The following CORO1B variants were observed in gnomAD, a reference collection of about 807,000 sequenced individuals.
CORO1B encodes coronin 1B, also known as coronin-1B.
Under a neutral mutation model 51.1 loss-of-function variants are expected in CORO1B, and 30 were observed. The ratio of observed to expected loss-of-function variants is 0.59; its 90% CI spans 0.44 to 0.80. CORO1B has a LOEUF of 0.80. Ranked by LOEUF, CORO1B falls within the 30% of genes least tolerant of loss-of-function variation. CORO1B has a pLI of 0.00. For synonymous variants in CORO1B, 310 were observed against 289.7 expected, an observed-to-expected ratio of 1.07 and a Z score of -0.71; for missense variants, 648 against 700.4, an observed-to-expected ratio of 0.93 and a Z score of 0.84.
chr11:67,443,358 C>T (rs1198057771), intron 1 of CORO1B, 46 bp downstream of exon 1: 44 of 510,650 alleles, frequency 8.6e-5, no homozygotes, highest in Non-Finnish European at 1.1e-4. Flanking sequence ...TGCAGCCCCG[C>T]CCAGCCCCCA....
Position 67,440,101 on chromosome 11 carries a change from C to T in CORO1B, c.1007+17G>A, listed in dbSNP as rs776643845. On this transcript the variant is annotated intron_variant, in intron 8 of 10. Coordinates refer to ENST00000341356, the MANE Select transcript of CORO1B (RefSeq NM_020441.3). ...TTAGATGCCCCTATCCCCGAGTGGC[C>T]TCGGTAGCCCTCTTACCGGGCGATC... The T allele has an allele frequency of 2.5e-6, 4 of 1,599,430 alleles. No individual in the cohort carries two copies. The highest frequency in any genetic ancestry group is 2.6e-6 in the Non-Finnish European group (3 of 1,171,980).
At chr11:67,442,666 T>C (rs1270439830) in intron 1 of CORO1B, 36 bp from the exon 2 acceptor site, 1 of 1,593,384 alleles carries the variant, frequency 6.3e-7, no homozygotes, top group Admixed American at 1.7e-5. Context: ...GTCCGGCCCA[T>C]CCCAACAACT....
chr11:67,437,915 C>A lies in CORO1B; in HGVS notation c.*461G>T. ...CTTCTGCCTCAGTTTCCCTGCCTGA[C>A]AATCCAGGGGAGCAATGCCTGTGGG... is the stretch of plus-strand genomic sequence containing the variant. On this transcript the variant is annotated 3_prime_UTR_variant, in exon 11 of 11. Coordinates refer to ENST00000341356, the MANE Select transcript of CORO1B (RefSeq NM_020441.3). 2.6e-6 allele frequency: 1 copy of A among 378,106 alleles called. No homozygotes were observed. Among genetic ancestry groups the A allele is most frequent in the Non-Finnish European group, 4.7e-6 (1 of 212,934 alleles). 23.4% of individuals were successfully genotyped at this position (378,106 alleles called of 1,614,324 possible).
intron 2 of CORO1B, 33 bp downstream of exon 2, chr11:67,442,394 TG>T: frequency 1.2e-6 from 2 of 1,603,726 alleles, no homozygotes; most frequent in Non-Finnish European, 1.7e-6. Context: ...GTGGCCGAGG[TG>T]CCTCCTCTTC....
At position 67,436,035 on chromosome 11, in the gene CORO1B, G is replaced by T. The variant is rs1405297589; in HGVS notation, c.*2341C>A. On this transcript the variant is annotated 3_prime_UTR_variant, in exon 11 of 11. Coordinates refer to ENST00000341356, the MANE Select transcript of CORO1B (RefSeq NM_020441.3). ...TAGTCTGTGTCCTGCTCATCCTCCT[G>T]TCGCTCAAGGTCATTGTCTGTGGAC... The T allele has an allele frequency of 6.2e-7, 1 of 1,613,580 alleles. No homozygotes were observed.
At position 67,435,636 on chromosome 11, in the gene CORO1B, C is replaced by A; in HGVS notation, c.*2740G>T. The A allele has an allele frequency of 6.8e-7, 1 of 1,478,000 alleles. No homozygotes were observed. The highest frequency in any genetic ancestry group is 1.4e-5 in the South Asian group (1 of 73,128). 91.6% of individuals were successfully genotyped at this position (1,478,000 alleles called of 1,614,324 possible). A position where few individuals can be genotyped will look rare whatever the true frequency, so the allele number is the denominator to read the frequency against. ...AGGGGGTGACAGTCTGAGGCATGGT[C>A]ATGTGGGCTGGGGGTCCAGTCCAGC... On this transcript the variant is annotated 3_prime_UTR_variant, in exon 11 of 11. Coordinates refer to ENST00000341356, the MANE Select transcript of CORO1B (RefSeq NM_020441.3).
At chr11:67,439,741 T>C (rs1864358929) in intron 9 of CORO1B, 45 bp downstream of exon 9, 1 of 1,551,266 alleles carries the variant, frequency 6.4e-7, no homozygotes, top group Non-Finnish European at 8.7e-7. Flanking sequence ...CATGGCCCGC[T>C]TGCTGGAGAA....
At chr11:67,442,675 C>T (rs767366694) in intron 1 of CORO1B, 45 bp from the exon 2 acceptor site, 1 of 1,582,304 alleles carries the variant, frequency 6.3e-7, no homozygotes, top group Non-Finnish European at 8.6e-7. Context: ...ATCCCAACAA[C>T]TCCAGCCCTC....
Position 67,438,380 on chromosome 11 carries a change from G to C in CORO1B, c.1466C>G (p.Ala489Gly), listed in dbSNP as rs1590984594. Residue 489 changes from alanine (A) to glycine (G), a missense_variant, in exon 11 of 11, where the codon GCG becomes GGG. Transcript: ENST00000341356. ...EQLGRMENGD[A>G] ...AGGTGGCGTGTGGCTGTGGCCCTAC[G>C]CATCCCCGTTCTCCATGCGGCCCAG... The C allele has an allele frequency of 6.2e-7, 1 of 1,602,204 alleles. No individual in the cohort carries two copies. The highest frequency in any genetic ancestry group is 8.5e-7 in the Non-Finnish European group (1 of 1,173,282).
rs1464288170 is a variant in CORO1B, at chr11:67,439,864, C to A, written c.1008-21G>T. 1.9e-6 allele frequency: 3 copies of A among 1,562,484 alleles called. No individual in the cohort carries two copies. In the Admixed American group the frequency reaches 5.8e-5, roughly 30 times the overall value. ...AGAACCTGGGGATGCAAGGAGGAGC[C>A]ACGGGTGGAACCCTCACCGCCCCCC... On this transcript the variant is annotated intron_variant, in intron 8 of 10. Transcript: ENST00000341356.
At chr11:67,440,018 C>T (rs1864364527) in intron 8 of CORO1B, 100 bp downstream of exon 8, 2 of 1,510,114 alleles carry the variant, frequency 1.3e-6, no homozygotes, top group Admixed American at 2.0e-5. Flanking sequence ...GCCCGCCGGG[C>T]CTCCCTGGCG....
intron 2 of CORO1B, 30 bp downstream of exon 2, chr11:67,442,395 GCCT>G: frequency 6.2e-7 from 1 of 1,604,394 alleles, no homozygotes; most frequent in Non-Finnish European, 8.5e-7. Context: ...TGGCCGAGGT[GCCT>G]CCTCTTCCCC....
Position 67,435,736 on chromosome 11 carries a change from C to A in CORO1B, c.*2640G>T. 1 of 1,527,200 alleles carries A rather than the reference C, an allele frequency of 6.5e-7. No homozygotes were observed. Among genetic ancestry groups the A allele is most frequent in the Middle Eastern group, 1.8e-4 (1 of 5,644 alleles). The allele number at this position is 1,527,200 out of a possible 1,614,324, so 94.6% of individuals were successfully genotyped here. On this transcript the variant is annotated 3_prime_UTR_variant, in exon 11 of 11. Transcript: ENST00000341356. ...GATGGGACACCAAGACCGGCCTCTA[C>A]AGTGCGGTGACATGGAGGCCCTGGC...
chr11:67,438,683 C>T lies in CORO1B; in HGVS notation c.1332G>A (p.Leu444=). The stretch of plus-strand genomic sequence containing the variant: ...TGCGCGTGCATACCCCGGCTCTGGC[C>T]AGGCTGCCGCTGGGGGTGGCATCAG... ...TAADATPSGS[L]ARAGEAGKLE... is the part of the protein sequence containing the mutation. Residue 444 remains leucine, a synonymous_variant, in exon 10 of 11, where the codon CTG becomes CTA. Transcript: ENST00000341356. 6.5e-7 allele frequency: 1 copy of T among 1,541,632 alleles called. No homozygotes were observed. The highest frequency in any genetic ancestry group is 2.4e-5 in the East Asian group (1 of 41,306).
chr11:67,441,220 C>A lies in CORO1B; in HGVS notation c.661G>T (p.Ala221Ser). Residue 221 changes from alanine (A) to serine (S), a missense_variant, in exon 6 of 11, where the codon GCC (alanine) becomes TCC (serine). Physicochemically the swap from Ala to Ser is moderately conservative, Grantham distance 99. Coordinates refer to ENST00000341356, the MANE Select transcript of CORO1B (RefSeq NM_020441.3). Reference sequence around the variant, plus strand: ...AGGAAGATGGCCCGCATGGGCCGGGCCCCCTCATGAGCCTTCTCCCGCTCC... The same window carrying A: ...AGGAAGATGGCCCGCATGGGCCGGGACCCCTCATGAGCCTTCTCCCGCTCC... ...VAEREKAHEG[A>S]RPMRAIFLAD... The A allele has an allele frequency of 1.2e-6, 2 of 1,613,114 alleles. No homozygotes were observed.
At position 67,438,784 on chromosome 11, in the gene CORO1B, C is replaced by G. The variant is rs756117196; in HGVS notation, c.1231G>C (p.Val411Leu). ...ATGGCGGGCCGGCTGTCAGACAACA[C>G]GTTGCGCCGGCTGATCTTCAGGTCC... ...QRDLKISRRNVLSDSRPAMAP... is the reference protein window; with the variant it reads ...QRDLKISRRNLLSDSRPAMAP... Residue 411 changes from valine to leucine, a missense_variant, in exon 10 of 11, where the codon GTG becomes CTG. Transcript: ENST00000341356. The G allele has an allele frequency of 6.3e-7, 1 of 1,596,518 alleles. No homozygotes were observed. The highest frequency in any genetic ancestry group is 2.3e-5 in the East Asian group (1 of 44,238).
rs1328933912 is a variant in CORO1B at position 67,438,142 on chromosome 11, G to T, written c.*234C>A. 9 of 469,870 alleles carry T rather than the reference G, an allele frequency of 1.9e-5. No individual in the cohort carries two copies. Among genetic ancestry groups the T allele is most frequent in the Non-Finnish European group, 3.7e-6 (1 of 269,028 alleles). The allele number at this position is 469,870 out of a possible 1,614,324, so 29.1% of individuals were successfully genotyped here. On this transcript the variant is annotated 3_prime_UTR_variant, in exon 11 of 11. Coordinates refer to ENST00000341356, the MANE Select transcript of CORO1B (RefSeq NM_020441.3). ...GAGCAGAGGGCTGGGCAGTGGTCGG[G>T]GAGATGGTCCCTCAGAGGTCGAGGA...
chr11:67,438,765 G>T lies in CORO1B; in HGVS notation c.1250C>A (p.Pro417His). 6.4e-7 allele frequency: 1 copy of T among 1,573,568 alleles called. No homozygotes were observed. Among genetic ancestry groups the T allele is most frequent in the South Asian group, 1.2e-5 (1 of 86,772 alleles). Residue 417 changes from proline (P) to histidine (H), a missense_variant, in exon 10 of 11, where the codon CCC (proline) becomes CAC (histidine). By Grantham distance (77) the Pro-to-His change is moderately conservative (BLOSUM62 -2). Transcript: ENST00000341356. ...SRRNVLSDSRPAMAPGSSHLG... is the reference protein window; with the variant it reads ...SRRNVLSDSRHAMAPGSSHLG... The stretch of plus-strand genomic sequence containing the variant: ...GTGGGAGGAGCCCGGGGCCATGGCG[G>T]GCCGGCTGTCAGACAACACGTTGCG...
At chr11:67,442,332 G>T in intron 2 of CORO1B, 96 bp downstream of exon 2, 2 of 1,374,198 alleles carry the variant, frequency 1.5e-6, no homozygotes, top group Non-Finnish European at 1.0e-6. Flanking sequence ...GCCCAGCAGT[G>T]TGAGAAACGG....
Sources: gnomAD v4.1 joint callset for allele counts on GRCh38, gnomAD v4.1.1 for gene constraint, MANE v1.5 for transcripts, NCBI Gene and HGNC (gene_info 2026-07-23, HGNC 2026-07-21) for gene names.